The following PTPRG variants were observed in gnomAD, a reference collection of about 807,000 sequenced individuals.
The protein encoded by PTPRG is receptor-type tyrosine-protein phosphatase gamma.
In PTPRG, 102 loss-of-function variants were observed where a neutral mutation model predicts 165.3. That is an observed-to-expected ratio of 0.62 (90% confidence interval 0.53 to 0.73). The LOEUF (loss-of-function observed/expected upper bound fraction) is 0.73. Ranked by LOEUF, PTPRG falls within the 30% of genes least tolerant of loss-of-function variation. The pLI is 0.00. For synonymous variants in PTPRG, 675 were observed against 669.5 expected, an observed-to-expected ratio of 1.01 and a Z score of -0.13; for missense variants, 1,866 against 1,861.4, an observed-to-expected ratio of 1.00 and a Z score of -0.05.
chr3:61,978,903 C>T (rs1475134863), intron 2 of PTPRG, among the ~76,000 whole-genome samples: 2 of 152,108 alleles, frequency 1.3e-5, no homozygotes, highest in Non-Finnish European at 2.9e-5. Context: ...GGTTTAGTCC[C>T]GTAGATCTGG....
At chr3:61,650,185 A>G (rs1252856272) in intron 1 of PTPRG, among the ~76,000 whole-genome samples, 4 of 152,234 alleles carry the variant, frequency 2.6e-5, no homozygotes, top group African/African-American at 7.2e-5. Context: ...CCAGAGCTGT[A>G]CACGGCTGCT....
chr3:61,648,222 C>T (rs1702258013), intron 1 of PTPRG, among the ~76,000 whole-genome samples: 1 of 152,170 alleles, frequency 6.6e-6, no homozygotes, highest in Non-Finnish European at 1.5e-5. Context: ...TTAGGAGATT[C>T]GTTAACATAG....
At chr3:61,923,929 C>T (rs55711967) in intron 2 of PTPRG, among the ~76,000 whole-genome samples, 58,867 of 151,734 alleles carry the variant, frequency 0.39, 12,355 homozygotes, top group South Asian at 0.58. Flanking sequence ...GATTCATCTT[C>T]GAGAATAACT....
chr3:61,928,019 CTGAA>C (rs1427664262), intron 2 of PTPRG, among the ~76,000 whole-genome samples: 1 of 152,224 alleles, frequency 6.6e-6, no homozygotes, highest in East Asian at 1.9e-4. Flanking sequence ...CTAGCTGAAT[CTGAA>C]TGAGAGTTTT....
intron 2 of PTPRG, among the ~76,000 whole-genome samples, chr3:61,815,902 A>G (rs1236762856): frequency 1.3e-5 from 2 of 152,104 alleles, no homozygotes; most frequent in East Asian, 1.9e-4. Context: ...ACCTCTCATT[A>G]TTTTCATTTT....
chr3:61,889,640 T>C (rs1030200075), intron 2 of PTPRG, among the ~76,000 whole-genome samples: 2 of 152,116 alleles, frequency 1.3e-5, no homozygotes, highest in Non-Finnish European at 2.9e-5. Context: ...CATTTGAACA[T>C]TACAGTCTAC....
At chr3:62,011,066 A>G (rs990225009) in intron 4 of PTPRG, among the ~76,000 whole-genome samples, 2 of 152,176 alleles carry the variant, frequency 1.3e-5, no homozygotes, top group African/African-American at 4.8e-5. Context: ...CCTGGCTTGT[A>G]TCTAAAAAAC....
At chr3:61,972,791 C>T (rs1284448254) in intron 2 of PTPRG, among the ~76,000 whole-genome samples, 7 of 150,998 alleles carry the variant, frequency 4.6e-5, no homozygotes, top group African/African-American at 1.7e-4. Context: ...TAGCTGGGAC[C>T]GCTGGCGTGT....
chr3:61,994,524 C>T (rs916216005), intron 3 of PTPRG, among the ~76,000 whole-genome samples: 3 of 152,218 alleles, frequency 2.0e-5, no homozygotes, highest in East Asian at 1.9e-4. Context: ...TCAATTCACA[C>T]AAGAATCAAC....
chr3:61,639,977 A>G lies in PTPRG; in HGVS notation c.85+77605A>G, dbSNP rs1240352588. Among the ~76,000 whole-genome samples, 3 of 152,136 alleles carry G rather than the reference A, an allele frequency of 2.0e-5. No individual in the cohort carries two copies. In the East Asian group the frequency reaches 5.8e-4, roughly 29 times the overall value. On this transcript the variant is annotated intron_variant, in intron 1 of 29. Coordinates refer to ENST00000474889, the MANE Select transcript of PTPRG (RefSeq NM_002841.4). ...AAGTGGGTGTCCCTGTCTTTTTCCT[A>G]TTCTGTTTTTCATTCAATAAAAACT...
intron 2 of PTPRG, among the ~76,000 whole-genome samples, chr3:61,751,924 C>T (rs1283099861): frequency 6.6e-6 from 1 of 151,670 alleles, no homozygotes; most frequent in African/African-American, 2.4e-5. Flanking sequence ...ACCCGGGAGG[C>T]GGAGCTTGCA....
intron 4 of PTPRG, among the ~76,000 whole-genome samples, chr3:62,042,892 A>G (rs1489387517): frequency 6.6e-6 from 1 of 152,210 alleles, no homozygotes. Context: ...CACATCAAGG[A>G]GCACAGGATA....
At chr3:62,167,820 T>C (rs1705052549) in intron 7 of PTPRG, 151 bp from the exon 8 acceptor site, 2 of 727,018 alleles carry the variant, frequency 2.8e-6, no homozygotes, top group Non-Finnish European at 4.5e-6. Context: ...CCTCAGGTCC[T>C]GCTGGGTTTA....
In PTPRG at chr3:61,793,862, T is replaced by C. The variant is rs183146069; in HGVS notation, c.190+44880T>C. Among the ~76,000 whole-genome samples the C allele has an allele frequency of 9.8e-5, 15 of 152,338 alleles. No individual in the cohort carries two copies. In the East Asian group the frequency reaches 2.9e-3, roughly 29 times the overall value. On this transcript the variant is annotated intron_variant, in intron 2 of 29. Coordinates refer to ENST00000474889, the MANE Select transcript of PTPRG (RefSeq NM_002841.4). ...TGAAAATGACACTGTGAGAATCATCTGTTCTCTGTTTCTCCCTGCCATACA... is the reference window on the plus strand; with the variant it reads ...TGAAAATGACACTGTGAGAATCATCCGTTCTCTGTTTCTCCCTGCCATACA...
intron 2 of PTPRG, among the ~76,000 whole-genome samples, chr3:61,948,524 G>A (rs1027515180): frequency 6.6e-5 from 10 of 152,098 alleles, no homozygotes; most frequent in Admixed American, 2.0e-4. Flanking sequence ...TATGGGGGGC[G>A]GTCAAGGGTG....
chr3:61,896,977 C>G (rs1395991601), intron 2 of PTPRG, among the ~76,000 whole-genome samples: 1 of 150,392 alleles, frequency 6.6e-6, no homozygotes, highest in Non-Finnish European at 1.5e-5. Flanking sequence ...GAATACTAGT[C>G]CTTTGTTGAA....
intron 1 of PTPRG, among the ~76,000 whole-genome samples, chr3:61,602,543 A>G (rs1184786801): frequency 6.6e-6 from 1 of 152,246 alleles, no homozygotes; most frequent in Non-Finnish European, 1.5e-5. Flanking sequence ...CTGAACTGCC[A>G]TGAATGCTTT....
rs561367458 is a variant in PTPRG at position 61,847,370 on chromosome 3, C to T, written c.190+98388C>T. ...AGAGGGGCATGGAGTAGATCTTCCCCTCATGGCTCTGAGAAGGGCCCAGTG... is the reference window on the plus strand; with the variant it reads ...AGAGGGGCATGGAGTAGATCTTCCCTTCATGGCTCTGAGAAGGGCCCAGTG... On this transcript the variant is annotated intron_variant, in intron 2 of 29. Coordinates refer to ENST00000474889, the MANE Select transcript of PTPRG (RefSeq NM_002841.4). Among the ~76,000 whole-genome samples the T allele has an allele frequency of 6.6e-5, 10 of 152,278 alleles. No homozygotes were observed. The South Asian group carries it at 1.2e-3, about 19-fold the overall frequency.
At chr3:62,015,545 T>C (rs2041524339) in intron 4 of PTPRG, among the ~76,000 whole-genome samples, 1 of 152,234 alleles carries the variant, frequency 6.6e-6, no homozygotes, top group Admixed American at 6.5e-5. Context: ...TCTTGCTGTG[T>C]TGCCCAGTCT....
Sources: gnomAD v4.1 joint callset for allele counts (sites outside exome capture counted in the v4.1 genomes callset) on GRCh38, gnomAD v4.1.1 for gene constraint, MANE v1.5 for transcripts, NCBI Gene and HGNC (gene_info 2026-07-23, HGNC 2026-07-21) for gene names.